Variants in SYT1 observed in about 807,000 individuals in gnomAD.
SYT1 encodes synaptotagmin-1.
Under a neutral mutation model 44.8 loss-of-function variants are expected in SYT1, and 8 were observed. That is an observed-to-expected ratio of 0.18 (90% CI 0.10 to 0.32). SYT1 has a LOEUF of 0.32. SYT1 is among the 10% of genes least tolerant of loss of function. The probability of loss-of-function intolerance (pLI) is 1.00; values close to 1 mark genes in which losing one functional copy is unlikely to be tolerated. For missense variants in SYT1, 286 were observed against 509.3 expected, an observed-to-expected ratio of 0.56 and a Z score of 4.22; for synonymous variants, 154 against 188.8, an observed-to-expected ratio of 0.82 and a Z score of 1.51.
intron 4 of SYT1, among the ~76,000 whole-genome samples, chr12:79,233,146 C>A (rs1269198379): frequency 2.0e-5 from 3 of 152,264 alleles, no homozygotes; most frequent in Non-Finnish European, 4.4e-5. Context: ...AAGATGCAAG[C>A]AGCCACCAAA....
chr12:79,011,001 A>G (rs1170672225), intron 2 of SYT1, among the ~76,000 whole-genome samples: 1 of 152,196 alleles, frequency 6.6e-6, no homozygotes, highest in Non-Finnish European at 1.5e-5. Flanking sequence ...GATGGTGAGA[A>G]ATAGCCAGAT....
chr12:79,065,337 G>A lies in SYT1; in HGVS notation c.-18+17975G>A, dbSNP rs137956645. Among the ~76,000 whole-genome samples, 195 of 152,298 alleles carry A rather than the reference G, an allele frequency of 1.3e-3. 1 individual carries two copies. The highest frequency in any genetic ancestry group is 4.2e-3 in the African/African-American group (176 of 41,580). On this transcript the variant is annotated intron_variant, in intron 3 of 10. Coordinates refer to ENST00000261205, the MANE Select transcript of SYT1 (RefSeq NM_005639.3). ...AGGTGAAGGATATAGGCTGCAGTGA[G>A]CCTTTAGTGTGCCACTGCATTCCAG...
chr12:78,953,247 A>G (rs1211089704), intron 1 of SYT1, among the ~76,000 whole-genome samples: 1 of 152,030 alleles, frequency 6.6e-6, no homozygotes, highest in African/African-American at 2.4e-5. Context: ...GGAATGAATG[A>G]TATAGGGAAG....
intron 1 of SYT1, among the ~76,000 whole-genome samples, chr12:78,908,470 A>G (rs115151924): frequency 0.011 from 1,701 of 151,970 alleles, 40 homozygotes; most frequent in African/African-American, 0.039. Flanking sequence ...AGCTCAGGCT[A>G]CAGTCTCTGT....
At chr12:79,171,592 T>C (rs1871526623) in intron 3 of SYT1, among the ~76,000 whole-genome samples, 1 of 152,006 alleles carries the variant, frequency 6.6e-6, no homozygotes, top group Non-Finnish European at 1.5e-5. Flanking sequence ...TACTATGTTT[T>C]ATATATTCCT....
intron 4 of SYT1, among the ~76,000 whole-genome samples, chr12:79,248,793 A>G (rs892325430): frequency 2.4e-4 from 36 of 152,364 alleles, no homozygotes; most frequent in Admixed American, 2.4e-3. Context: ...GACCCTTGAC[A>G]TTCTAATTGA....
At chr12:79,286,033 T>C in intron 5 of SYT1, 62 bp downstream of exon 5, 1 of 1,518,026 alleles carries the variant, frequency 6.6e-7, no homozygotes, top group Non-Finnish European at 8.8e-7. Context: ...AATGTATTAT[T>C]TTATGCCATA....
At chr12:79,177,202 C>T (rs1470611486) in intron 3 of SYT1, among the ~76,000 whole-genome samples, 13 of 94,336 alleles carry the variant, frequency 1.4e-4, no homozygotes, top group East Asian at 6.4e-4. Flanking sequence ...CCCCCTCCCC[C>T]GACCCCACCA....
intron 1 of SYT1, among the ~76,000 whole-genome samples, chr12:78,919,121 ATG>A (rs1227177248): frequency 1.3e-5 from 2 of 151,998 alleles, no homozygotes; most frequent in African/African-American, 4.8e-5. Context: ...TTGTGCTCCT[ATG>A]TGTTATGCAA....
At chr12:79,300,940 T>C (rs1306361975) in intron 8 of SYT1, among the ~76,000 whole-genome samples, 1 of 151,056 alleles carries the variant, frequency 6.6e-6, no homozygotes, top group African/African-American at 2.4e-5. Context: ...TAAAATTATA[T>C]GATTTTATGG....
intron 9 of SYT1, among the ~76,000 whole-genome samples, chr12:79,364,881 C>T (rs182180159): frequency 3.8e-4 from 58 of 152,248 alleles, no homozygotes; most frequent in East Asian, 3.1e-3. Context: ...AATCTACTGA[C>T]GCAGCTGTCA....
chr12:79,261,858 A>G (rs1372684661), intron 4 of SYT1, among the ~76,000 whole-genome samples: 1 of 152,200 alleles, frequency 6.6e-6, no homozygotes, highest in Non-Finnish European at 1.5e-5. Flanking sequence ...CCAAACCTCT[A>G]GCACTTTCTA....
chr12:79,150,472 T>C (rs1186456124), intron 3 of SYT1, among the ~76,000 whole-genome samples: 1 of 152,092 alleles, frequency 6.6e-6, no homozygotes, highest in Non-Finnish European at 1.5e-5. Flanking sequence ...GGGACTTTGG[T>C]CAAAGGATAC....
chr12:79,058,663 C>A (rs1012915185), intron 3 of SYT1, among the ~76,000 whole-genome samples: 3 of 152,048 alleles, frequency 2.0e-5, no homozygotes, highest in Non-Finnish European at 2.9e-5. Context: ...TCCCGACCCC[C>A]ACACCACAAT....
chr12:79,132,703 C>T (rs1238270698), intron 3 of SYT1, among the ~76,000 whole-genome samples: 1 of 128,758 alleles, frequency 7.8e-6, no homozygotes, highest in Non-Finnish European at 1.7e-5. Flanking sequence ...AAAAAAAAAC[C>T]CTGAAAATAG....
intron 3 of SYT1, among the ~76,000 whole-genome samples, chr12:79,124,506 A>G (rs1171741123): frequency 6.6e-6 from 1 of 152,144 alleles, no homozygotes; most frequent in Non-Finnish European, 1.5e-5. Flanking sequence ...AGCGTGCCCA[A>G]TAAATAACAG....
chr12:79,318,796 G>A (rs1379353652), intron 8 of SYT1, among the ~76,000 whole-genome samples: 1 of 152,142 alleles, frequency 6.6e-6, no homozygotes, highest in Non-Finnish European at 1.5e-5. Flanking sequence ...AACCAACATA[G>A]CGTCAGAAAT....
intron 9 of SYT1, among the ~76,000 whole-genome samples, chr12:79,372,427 A>T (rs1337380785): frequency 2.0e-5 from 3 of 152,196 alleles, no homozygotes; most frequent in Non-Finnish European, 2.9e-5. Flanking sequence ...AGAAAAATTG[A>T]TTAGCACAGC....
chr12:79,377,821 G>A (rs1228599579), intron 9 of SYT1, among the ~76,000 whole-genome samples: 1 of 152,186 alleles, frequency 6.6e-6, no homozygotes, highest in Non-Finnish European at 1.5e-5. Context: ...CAGGAAGAGA[G>A]GAGAGCATGG....
Sources: allele counts gnomAD v4.1 joint callset (sites outside exome capture counted in the v4.1 genomes callset), GRCh38; gene constraint gnomAD v4.1.1; transcripts MANE v1.5; gene names NCBI Gene and HGNC (gene_info 2026-07-23, HGNC 2026-07-21).